PSMD7: variants seen among roughly 807,000 people sequenced by gnomAD.
PSMD7 encodes the protein 26S proteasome non-ATPase regulatory subunit 7.
PSMD7 carries 13 observed loss-of-function variants against 36.4 expected under a neutral mutation model. The ratio of observed to expected loss-of-function variants is 0.36; its 90% CI spans 0.23 to 0.57. PSMD7 has a LOEUF of 0.57. PSMD7 is among the 20% of genes least tolerant of loss of function. The pLI, the probability that PSMD7 is intolerant of heterozygous loss-of-function variation, is 0.83. For synonymous variants in PSMD7, 186 were observed against 151.0 expected (o/e 1.23, Z -1.70); for missense variants, 298 against 393.6 (o/e 0.76, Z 2.06).
At chr16:74,303,200 G>T (rs548730420) in intron 5 of PSMD7, among the ~76,000 whole-genome samples, 12 of 152,346 alleles carry the variant, frequency 7.9e-5, no homozygotes, top group Admixed American at 7.8e-4. Flanking sequence ...CACTGTTAAA[G>T]GTTCTGACCA....
chr16:74,297,140 C>A (rs1025445876), intron 1 of PSMD7, 152 bp downstream of exon 1: 3 of 817,426 alleles, frequency 3.7e-6, no homozygotes, highest in Non-Finnish European at 5.9e-6. Flanking sequence ...AGCGTCGGCT[C>A]ACGATGCCGG....
intron 5 of PSMD7, among the ~76,000 whole-genome samples, chr16:74,302,533 A>G (rs570355740): frequency 6.6e-6 from 1 of 152,226 alleles, no homozygotes; most frequent in South Asian, 2.1e-4. Context: ...AGGATTGCCT[A>G]AGCCTAGGAG....
chr16:74,303,280 G>C (rs1040285469), intron 5 of PSMD7, among the ~76,000 whole-genome samples: 4 of 152,136 alleles, frequency 2.6e-5, no homozygotes, highest in Admixed American at 1.3e-4. Flanking sequence ...AAATAATCAC[G>C]GCTAACTTTT....
chr16:74,304,464 T>C (rs1279863396), intron 6 of PSMD7, 70 bp downstream of exon 6: 1 of 1,419,300 alleles, frequency 7.0e-7, no homozygotes, highest in African/African-American at 1.4e-5. Context: ...AAGAGGTCTG[T>C]GTCGGGAATA....
chr16:74,305,326 C>T lies in PSMD7; in HGVS notation c.568C>T (p.Arg190Trp), dbSNP rs778143399. Residue 190 changes from arginine (R) to tryptophan (W), a missense_variant, in exon 7 of 7, where the codon CGG (arginine) becomes TGG (tryptophan). Coordinates refer to ENST00000219313, the MANE Select transcript of PSMD7 (RefSeq NM_002811.5). ...KDTTVGTLSQ[R>W]ITNQVHGLKG... ...CACGACGGTGGGCACTCTGTCCCAG[C>T]GGATCACAAACCAGGTCCATGGTTT... The T allele has an allele frequency of 1.9e-5, 31 of 1,613,332 alleles. No individual in the cohort carries two copies. The highest frequency in any genetic ancestry group is 1.1e-5 in the South Asian group (1 of 91,066).
At chr16:74,304,081 C>A (rs916423340) in intron 5 of PSMD7, 10 of 423,926 alleles carry the variant, frequency 2.4e-5, no homozygotes, top group Non-Finnish European at 4.4e-5. Flanking sequence ...TTTCTCAACG[C>A]ACAGTGCCCC....
chr16:74,301,798 T>C (rs979718847), intron 4 of PSMD7, 146 bp downstream of exon 4: 4 of 650,136 alleles, frequency 6.2e-6, no homozygotes, highest in Non-Finnish European at 1.1e-5. Flanking sequence ...CTCTGTGAAG[T>C]ATACTGTGAC....
intron 1 of PSMD7, chr16:74,299,698 C>T (rs544725245): frequency 1.1e-5 from 4 of 352,262 alleles, no homozygotes; most frequent in South Asian, 8.4e-5. Flanking sequence ...CCGGCCTACT[C>T]CATCATCTTT....
At chr16:74,302,999 G>A (rs1052039018) in intron 5 of PSMD7, among the ~76,000 whole-genome samples, 2 of 152,142 alleles carry the variant, frequency 1.3e-5, no homozygotes, top group African/African-American at 4.8e-5. Context: ...TTTCATCCCT[G>A]GTTTTGACCC....
At chr16:74,299,981 T>C (rs374001671) in intron 1 of PSMD7, 134 bp from the exon 2 acceptor site, 102 of 762,824 alleles carry the variant, frequency 1.3e-4, no homozygotes, top group African/African-American at 1.3e-3. Context: ...CCCTATTACA[T>C]TGGTTTAGGG....
intron 5 of PSMD7, 64 bp downstream of exon 5, chr16:74,302,356 T>A: frequency 7.6e-7 from 1 of 1,324,438 alleles, no homozygotes; most frequent in Non-Finnish European, 1.1e-6. Context: ...TAGCTTTTTT[T>A]TTTCAATTTT....
rs377009439 is a variant in PSMD7, at chr16:74,296,893, C to T, written c.-22C>T. The T allele has an allele frequency of 4.5e-5, 73 of 1,612,116 alleles. No homozygotes were observed. Among genetic ancestry groups the T allele is most frequent in the Non-Finnish European group, 6.0e-5 (71 of 1,179,516 alleles). ...GTTTGCGTGTGGCAGGGAGCCAGGC[C>T]TGGCGAGCGGGGTGTGTCGCGATGC... On this transcript the variant is annotated 5_prime_UTR_variant, in exon 1 of 7. Coordinates refer to ENST00000219313, the MANE Select transcript of PSMD7 (RefSeq NM_002811.5).
At position 74,305,979 on chromosome 16, in the gene PSMD7, A is replaced by G. The variant is rs1371193728; in HGVS notation, c.*246A>G. The G allele has an allele frequency of 3.0e-6, 1 of 335,606 alleles. No homozygotes were observed. Among genetic ancestry groups the G allele is most frequent in the Non-Finnish European group, 5.3e-6 (1 of 188,094 alleles). The allele number at this position is 335,606 out of a possible 1,614,324, so 20.8% of individuals were successfully genotyped here. On this transcript the variant is annotated 3_prime_UTR_variant, in exon 7 of 7. Coordinates refer to ENST00000219313, the MANE Select transcript of PSMD7 (RefSeq NM_002811.5). ...ATAGTCAGCTCAGGCTTCAGATTGTATGAGAAAAATGAAGAGAAGTCAACA... is the reference window on the plus strand; with the variant it reads ...ATAGTCAGCTCAGGCTTCAGATTGTGTGAGAAAAATGAAGAGAAGTCAACA...
At chr16:74,304,272 T>C in intron 5 of PSMD7, 31 bp from the exon 6 acceptor site, 3 of 1,592,388 alleles carry the variant, frequency 1.9e-6, no homozygotes, top group Non-Finnish European at 2.6e-6. Flanking sequence ...TTGTGGAAAA[T>C]AAATAATTAT....
intron 4 of PSMD7, 52 bp downstream of exon 4, chr16:74,301,704 C>T: frequency 6.9e-7 from 1 of 1,456,024 alleles, no homozygotes; most frequent in Non-Finnish European, 9.6e-7. Context: ...TGCCAGCCAG[C>T]TCAAGTAAGA....
At chr16:74,301,508 A>G in intron 3 of PSMD7, 47 bp from the exon 4 acceptor site, 1 of 1,375,576 alleles carries the variant, frequency 7.3e-7, no homozygotes. Flanking sequence ...GGAGTTGTAT[A>G]GATCTTCATG....
rs1293130594 is a variant in PSMD7 at position 74,305,499 on chromosome 16, G to T, written c.741G>T (p.Lys247Asn). The part of the protein sequence containing the change: ...LPDVSLQEFV[K>N]AFYLKTNDQM... ...ATGTCAGCCTGCAGGAGTTCGTCAA[G>T]GCCTTTTACCTGAAGACCAATGACC... The change falls in exon 7 of 7, where the codon AAG becomes AAT. Residue 247 changes from lysine to asparagine, a missense_variant. Coordinates refer to ENST00000219313, the MANE Select transcript of PSMD7 (RefSeq NM_002811.5). 5.0e-6 allele frequency: 8 copies of T among 1,614,026 alleles called. No individual in the cohort carries two copies. The South Asian group carries it at 8.8e-5, about 18-fold the overall frequency.
At chr16:74,300,873 G>A (rs1173500231) in intron 2 of PSMD7, among the ~76,000 whole-genome samples, 179 bp from the exon 3 acceptor site, 1 of 152,216 alleles carries the variant, frequency 6.6e-6, no homozygotes, top group Admixed American at 6.5e-5. Flanking sequence ...GAAGCTGGAA[G>A]TCTGGATTTT....
At chr16:74,301,474 A>T in intron 3 of PSMD7, 81 bp from the exon 4 acceptor site, 1 of 1,048,908 alleles carries the variant, frequency 9.5e-7, no homozygotes, top group Non-Finnish European at 1.5e-6. Context: ...GGACATAACT[A>T]CTGATGTTCT....
Sources: gnomAD v4.1 joint callset for allele counts (sites outside exome capture counted in the v4.1 genomes callset) on GRCh38, gnomAD v4.1.1 for gene constraint, MANE v1.5 for transcripts, NCBI Gene and HGNC (gene_info 2026-07-23, HGNC 2026-07-21) for gene names.